DCAF13: variants seen among roughly 807,000 people sequenced by gnomAD.
The protein encoded by DCAF13 is DDB1 and CUL4 associated factor 13, also known as DDB1- and CUL4-associated factor 13.
Under a neutral mutation model 59.0 loss-of-function variants are expected in DCAF13, and 38 were observed. That is an observed-to-expected ratio of 0.64 (90% CI 0.50 to 0.84). The LOEUF (loss-of-function observed/expected upper bound fraction) is 0.84, where lower values mean the gene tolerates loss of function less well. Among genes scored for constraint, DCAF13 ranks in the 40% least tolerant of loss-of-function variants. The probability of loss-of-function intolerance (pLI) is 0.00; values close to 1 mark genes in which losing one functional copy is unlikely to be tolerated. For synonymous variants in DCAF13, 173 were observed against 175.0 expected (o/e 0.99, Z 0.09); for missense variants, 469 against 558.4 (o/e 0.84, Z 1.61).
intron 6 of DCAF13, 105 bp from the exon 7 acceptor site, chr8:103,432,554 G>A: frequency 1.6e-6 from 1 of 614,120 alleles, no homozygotes; most frequent in Admixed American, 2.5e-5. Flanking sequence ...ATTGCACTGA[G>A]CTGAGTACTT....
Position 103,420,367 on chromosome 8 carries a change from C to T in DCAF13, c.174C>T (p.Phe58=), listed in dbSNP as rs200382789. The T allele has an allele frequency of 6.2e-6, 10 of 1,614,134 alleles. No homozygotes were observed. In the East Asian group the frequency reaches 2.0e-4, roughly 32 times the overall value. Reference sequence around the variant, plus strand: ...TGGAACGAGTATTTGCAAAACCATTCCTTGCTTCGCTGGATGGTCACCGTG... The same window carrying T: ...TGGAACGAGTATTTGCAAAACCATTTCTTGCTTCGCTGGATGGTCACCGTG... The part of the protein sequence containing the change: ...TKLERVFAKP[F]LASLDGHRDG... The change falls in exon 2 of 11, where the codon TTC becomes TTT. Residue 58 remains phenylalanine (F), a synonymous_variant. Transcript: ENST00000612750.
chr8:103,429,261 G>A (rs548832847), intron 5 of DCAF13: 4 of 152,284 alleles, frequency 2.6e-5, no homozygotes, highest in Admixed American at 1.3e-4. Flanking sequence ...AAGGTTGAGG[G>A]ACCTCACTAG....
At chr8:103,434,072 T>C (rs1306212777) in intron 7 of DCAF13, among the ~76,000 whole-genome samples, 2 of 152,138 alleles carry the variant, frequency 1.3e-5, no homozygotes, top group Admixed American at 6.6e-5. Context: ...AATAAGTGAC[T>C]GTTGGAGTAT....
Position 103,417,805 on chromosome 8 carries a change from A to G in DCAF13, c.70+2289A>G, listed in dbSNP as rs571892184. On this transcript the variant is annotated intron_variant, in intron 1 of 10. Transcript: ENST00000612750. ...TGGAAGTTTTAAGCATGGGAGTGAC[A>G]TGTAAAAAGCTGTTTTAAGATGACA... 3.7e-4 allele frequency among the ~76,000 whole-genome samples: 56 copies of G among 151,870 alleles called. 1 individual carries two copies. Among genetic ancestry groups the G allele is most frequent in the Non-Finnish European group, 5.7e-4 (39 of 67,970 alleles).
intron 6 of DCAF13, among the ~76,000 whole-genome samples, chr8:103,431,896 C>T (rs1458970285): frequency 6.6e-6 from 1 of 152,060 alleles, no homozygotes; most frequent in Non-Finnish European, 1.5e-5. Flanking sequence ...TGTAGCCTGG[C>T]TTTCAAGGTG....
At chr8:103,441,360 A>G in intron 9 of DCAF13, 95 bp from the exon 10 acceptor site, 1 of 1,216,832 alleles carries the variant, frequency 8.2e-7, no homozygotes, top group East Asian at 2.6e-5. Flanking sequence ...ATATCATAAA[A>G]GATTAGGTTA....
chr8:103,417,617 G>A (rs1478275473), intron 1 of DCAF13, among the ~76,000 whole-genome samples: 1 of 148,164 alleles, frequency 6.7e-6, no homozygotes, highest in East Asian at 2.0e-4. Flanking sequence ...ACTCCAGCCT[G>A]GGTGACAGAG....
At chr8:103,431,155 T>G (rs1816860351) in intron 6 of DCAF13, among the ~76,000 whole-genome samples, 3 of 152,202 alleles carry the variant, frequency 2.0e-5, no homozygotes, top group Admixed American at 1.3e-4. Context: ...AGTTTGACAT[T>G]TAGGCAACCA....
chr8:103,424,912 CTAT>C (rs902444173), intron 3 of DCAF13, among the ~76,000 whole-genome samples: 5 of 152,088 alleles, frequency 3.3e-5, no homozygotes, highest in Non-Finnish European at 7.4e-5. Flanking sequence ...AGATGTAGCC[CTAT>C]TAAATACTTT....
Position 103,420,371 on chromosome 8 carries a change from G to C in DCAF13, c.178G>C (p.Ala60Pro). The change falls in exon 2 of 11, where the codon GCT (alanine) becomes CCT (proline). Residue 60 changes from alanine to proline, a missense_variant. Transcript: ENST00000612750. ...LERVFAKPFL[A>P]SLDGHRDGVN... ...ACGAGTATTTGCAAAACCATTCCTT[G>C]CTTCGCTGGATGGTCACCGTGATGG... 1 of 1,614,124 alleles carries C rather than the reference G, an allele frequency of 6.2e-7. No individual in the cohort carries two copies. Among genetic ancestry groups the C allele is most frequent in the Non-Finnish European group, 8.5e-7 (1 of 1,180,026 alleles).
At chr8:103,428,916 T>C (rs1346726450) in intron 5 of DCAF13, 1 of 152,122 alleles carries the variant, frequency 6.6e-6, no homozygotes, top group Non-Finnish European at 1.5e-5. Context: ...GTTTTTTTTT[T>C]TAATTGCTAT....
chr8:103,430,514 C>G, intron 5 of DCAF13, 98 bp from the exon 6 acceptor site: 1 of 756,914 alleles, frequency 1.3e-6, no homozygotes, highest in South Asian at 1.9e-5. Context: ...TGTTTTTTAA[C>G]ATAAATATTA....
chr8:103,422,891 A>G (rs1396921908), intron 3 of DCAF13, among the ~76,000 whole-genome samples: 1 of 152,222 alleles, frequency 6.6e-6, no homozygotes, highest in Admixed American at 6.5e-5. Context: ...GAAACCTGAT[A>G]GCTACAATTT....
chr8:103,430,736 T>TACAG, intron 6 of DCAF13, 47 bp downstream of exon 6: 1 of 1,383,532 alleles, frequency 7.2e-7, no homozygotes, highest in Non-Finnish European at 1.0e-6. Flanking sequence ...GCATTATATA[T>TACAG]TTCTCTGTAA....
rs1816790409 is a variant in DCAF13 at position 103,426,140 on chromosome 8, G to A, written c.463G>A (p.Gly155Arg). Reference protein sequence around the residue: ...DEEEPLHTILGKTVYTGIDHH... With the variant: ...DEEEPLHTILRKTVYTGIDHH... ...GGAAGAGCCATTACATACAATATTA[G>A]GAAAGGTACAAAAGTAAATTGACTA... Residue 155 changes from glycine (G) to arginine (R), a missense_variant, in exon 4 of 11, where the codon GGA becomes AGA. Gly to Arg is a moderately radical substitution (Grantham distance 125). This residue lies in a region of DCAF13 where 355 missense variants were observed against 399.1 expected (regional missense o/e 0.89). Transcript: ENST00000612750. 6.2e-7 allele frequency: 1 copy of A among 1,602,796 alleles called. No homozygotes were observed. The highest frequency in any genetic ancestry group is 8.5e-7 in the Non-Finnish European group (1 of 1,172,226).
chr8:103,440,406 A>G lies in DCAF13; in HGVS notation c.1086+135A>G, dbSNP rs1473922954. On this transcript the variant is annotated intron_variant, in intron 9 of 10. Transcript: ENST00000612750. Reference sequence around the variant, plus strand: ...ACATAGCTGTGATAAAAAAAGCAATAAATGGACAAGGTTGTATTGATAATT... The same window carrying G: ...ACATAGCTGTGATAAAAAAAGCAATGAATGGACAAGGTTGTATTGATAATT... 4.2e-6 allele frequency: 3 copies of G among 708,312 alleles called. No individual in the cohort carries two copies. The African/African-American group carries it at 5.5e-5, about 13-fold the overall frequency. The allele number at this position is 708,312 out of a possible 1,614,324, so 43.9% of individuals were successfully genotyped here.
At chr8:103,440,776 C>T (rs765595519) in intron 9 of DCAF13, 13 of 152,180 alleles carry the variant, frequency 8.5e-5, no homozygotes, top group African/African-American at 3.1e-4. Flanking sequence ...CTGGTTACCT[C>T]CAGGATAGGG....
intron 5 of DCAF13, 200 bp from the exon 6 acceptor site, chr8:103,430,412 T>A (rs569450316): frequency 5.7e-6 from 2 of 348,568 alleles, no homozygotes; most frequent in East Asian, 9.7e-5. Context: ...AATAAATAAA[T>A]AAAATACAAG....
chr8:103,426,057 T>C lies in DCAF13; in HGVS notation c.380T>C (p.Val127Ala), dbSNP rs747774061. The C allele has an allele frequency of 4.3e-6, 7 of 1,609,204 alleles. No homozygotes were observed. The highest frequency in any genetic ancestry group is 1.3e-5 in the African/African-American group (1 of 74,800). The change falls in exon 4 of 11, where the codon GTT (valine) becomes GCT (alanine). Residue 127 changes from valine (V) to alanine (A), a missense_variant and splice_region_variant. Physicochemically the swap from Val to Ala is moderately conservative, Grantham distance 64 (BLOSUM62 0). This residue lies in a region of DCAF13 where 355 missense variants were observed against 399.1 expected (regional missense o/e 0.89). Coordinates refer to ENST00000612750, the MANE Select transcript of DCAF13 (RefSeq NM_015420.7). ...TCATAATAAAACAAATATTTCTAGG[T>C]TGGTGATGACAAAACTGTGAAGCAG... Reference protein sequence around the residue: ...TRFCGTSFFTVGDDKTVKQWK... With the variant: ...TRFCGTSFFTAGDDKTVKQWK...
Sources: allele counts gnomAD v4.1 joint callset (sites outside exome capture counted in the v4.1 genomes callset), GRCh38; gene constraint gnomAD v4.1.1; regional missense constraint gnomAD v4.1.1; transcripts MANE v1.5; gene names NCBI Gene and HGNC (gene_info 2026-07-23, HGNC 2026-07-21).